POR: variants seen among roughly 807,000 people sequenced by gnomAD.
The protein encoded by POR is cytochrome p450 oxidoreductase.
In POR, 56 loss-of-function variants were observed where a neutral mutation model predicts 84.0. That is an observed-to-expected ratio of 0.67 (90% CI 0.54 to 0.83). The LOEUF (loss-of-function observed/expected upper bound fraction) is 0.83. POR is among the 40% of genes least tolerant of loss of function. The pLI is 0.00. For synonymous variants in POR, 414 were observed against 400.5 expected (o/e 1.03, Z -0.40); for missense variants, 938 against 944.3 (o/e 0.99, Z 0.09).
chr7:75,974,175 A>T (rs1177491727), intron 3 of POR, among the ~76,000 whole-genome samples: 3 of 152,250 alleles, frequency 2.0e-5, no homozygotes, highest in African/African-American at 7.2e-5. Flanking sequence ...GGCTCTTACC[A>T]ACAATGTCAC....
At chr7:75,962,616 T>A (rs889715210) in intron 2 of POR, among the ~76,000 whole-genome samples, 8 of 152,206 alleles carry the variant, frequency 5.3e-5, no homozygotes, top group Admixed American at 2.6e-4. Flanking sequence ...GCCAACATTT[T>A]CCTCTTTAAG....
At chr7:75,949,709 A>G (rs1018937094) in intron 1 of POR, among the ~76,000 whole-genome samples, 1 of 150,856 alleles carries the variant, frequency 6.6e-6, no homozygotes, top group East Asian at 2.0e-4. Context: ...TAGTAGAGAC[A>G]GGGTTTCACC....
chr7:75,985,705 C>G lies in POR; in HGVS notation c.1525C>G (p.Arg509Gly). The change falls in exon 13 of 16, where the codon CGT becomes GGT. Residue 509 changes from arginine (R) to glycine (G), a missense_variant. By Grantham distance (125) the Arg-to-Gly change is moderately radical. Transcript: ENST00000461988. ...GGAGCCTGCCGGGGAGAACGGCGGC[C>G]GTGCGCTGGTGCCCATGTTCGTGCG... The G allele has an allele frequency of 6.3e-7, 1 of 1,587,746 alleles. No individual in the cohort carries two copies. The highest frequency in any genetic ancestry group is 2.3e-5 in the East Asian group (1 of 43,362).
At chr7:75,936,167 TCACTGCAGC>T (rs1554550802) in intron 1 of POR, among the ~76,000 whole-genome samples, 1 of 144,654 alleles carries the variant, frequency 6.9e-6, no homozygotes, top group Non-Finnish European at 1.5e-5. Context: ...TCATCATGGC[TCACTGCAGC>T]CTCTGCAGCC....
chr7:75,967,244 G>A (rs1038109634), intron 2 of POR, among the ~76,000 whole-genome samples: 2 of 152,106 alleles, frequency 1.3e-5, no homozygotes, highest in African/African-American at 2.4e-5. Context: ...CCAAAGTGCT[G>A]TACTGGTGTG....
chr7:75,980,788 T>G (rs1788973860), intron 5 of POR: 2 of 1,357,542 alleles, frequency 1.5e-6, no homozygotes, highest in Non-Finnish European at 2.0e-6. Context: ...CCCAGCCCGG[T>G]GGGGAGGGTG....
At chr7:75,955,062 G>A (rs949475988) in intron 2 of POR, among the ~76,000 whole-genome samples, 3 of 151,920 alleles carry the variant, frequency 2.0e-5, no homozygotes, top group Non-Finnish European at 2.9e-5. Flanking sequence ...GGCTGGTCTC[G>A]AACACCTGGA....
intron 1 of POR, among the ~76,000 whole-genome samples, chr7:75,917,695 G>A (rs1161886301): frequency 1.3e-5 from 2 of 152,032 alleles, no homozygotes; most frequent in Non-Finnish European, 2.9e-5. Flanking sequence ...CCAGGCTGGA[G>A]CGCAGTGGGC....
At chr7:75,941,855 C>G (rs1554551550) in intron 1 of POR, among the ~76,000 whole-genome samples, 1 of 151,672 alleles carries the variant, frequency 6.6e-6, no homozygotes, top group African/African-American at 2.4e-5. Context: ...CGAGTAATAA[C>G]TAATAACAGT....
chr7:75,961,511 AAT>A (rs1379638523), intron 2 of POR, among the ~76,000 whole-genome samples: 1 of 152,160 alleles, frequency 6.6e-6, no homozygotes, highest in African/African-American at 2.4e-5. Context: ...TTTAAAGAAA[AAT>A]AAAGCTTCTT....
At chr7:75,921,406 T>G (rs1160583488) in intron 1 of POR, among the ~76,000 whole-genome samples, 1 of 150,004 alleles carries the variant, frequency 6.7e-6, no homozygotes, top group African/African-American at 2.5e-5. Context: ...GGATTATAGG[T>G]GCGCGGCACC....
chr7:75,922,946 A>T, intron 1 of POR: 1 of 676,526 alleles, frequency 1.5e-6, no homozygotes, highest in Non-Finnish European at 2.6e-6. Context: ...CAGAAACATG[A>T]CAAGGTGTGT....
chr7:75,957,106 C>T (rs1016835619), intron 2 of POR, among the ~76,000 whole-genome samples: 1 of 152,162 alleles, frequency 6.6e-6, no homozygotes, highest in Non-Finnish European at 1.5e-5. Flanking sequence ...CAGCGCCGTG[C>T]GTTAGGTAGC....
At chr7:75,952,404 G>C (rs1201866909) in intron 1 of POR, among the ~76,000 whole-genome samples, 1 of 139,032 alleles carries the variant, frequency 7.2e-6, no homozygotes, top group East Asian at 2.1e-4. Context: ...GCAGCTGGCC[G>C]GGCGGGGGGC....
At position 75,951,233 on chromosome 7, in the gene POR, A is replaced by G. The variant is rs566185313; in HGVS notation, c.-4-2756A>G. On this transcript the variant is annotated intron_variant, in intron 1 of 15. Coordinates refer to ENST00000461988, the MANE Select transcript of POR (RefSeq NM_000941.3). ...GACATGGTGAAACCCCGTCTCTACT[A>G]AAAATACAAAATTAGCCAGGTGTCG... Among the ~76,000 whole-genome samples, 295 of 152,020 alleles carry G rather than the reference A, an allele frequency of 1.9e-3. 2 individuals carry two copies. The highest frequency in any genetic ancestry group is 6.9e-3 in the African/African-American group (284 of 41,436).
In POR at chr7:75,985,983, T is replaced by G. The variant is rs56256515; in HGVS notation, c.1730T>G (p.Leu577Arg). The change falls in exon 14 of 16, where the codon CTG becomes CGG. Residue 577 changes from leucine (L) to arginine (R), a missense_variant. Transcript: ENST00000461988. ...TGCCGCCGCTCGGATGAGGACTACC[T>G]GTACCGGGAGGAGCTGGCGCAGTTC... 1.9e-5 allele frequency: 30 copies of G among 1,582,024 alleles called. No homozygotes were observed. The highest frequency in any genetic ancestry group is 2.6e-5 in the Non-Finnish European group (30 of 1,165,352).
chr7:75,975,965 A>G (rs1554556780), intron 3 of POR, among the ~76,000 whole-genome samples: 1 of 151,724 alleles, frequency 6.6e-6, no homozygotes, highest in Non-Finnish European at 1.5e-5. Context: ...TCAGATTTCT[A>G]TTACATCATG....
At chr7:75,958,099 G>T (rs1316817433) in intron 2 of POR, among the ~76,000 whole-genome samples, 4 of 152,118 alleles carry the variant, frequency 2.6e-5, no homozygotes, top group African/African-American at 9.7e-5. Context: ...TAGGCTCTCA[G>T]GTGTTATGGA....
chr7:75,957,890 T>G (rs1441835151), intron 2 of POR, among the ~76,000 whole-genome samples: 3 of 152,326 alleles, frequency 2.0e-5, no homozygotes, highest in East Asian at 1.9e-4. Context: ...CATGGCTACA[T>G]TCTGGACCCT....
Sources: allele counts gnomAD v4.1 joint callset (sites outside exome capture counted in the v4.1 genomes callset), GRCh38; gene constraint gnomAD v4.1.1; transcripts MANE v1.5; gene names NCBI Gene and HGNC (gene_info 2026-07-23, HGNC 2026-07-21).